Variants in LRP1B observed in about 807,000 individuals in gnomAD.
LRP1B encodes the protein LDL receptor related protein 1B, also known as low-density lipoprotein receptor-related protein 1B.
A neutral mutation model predicts 556.6 loss-of-function variants in LRP1B; 217 were observed. The ratio of observed to expected loss-of-function variants is 0.39; its 90% CI spans 0.35 to 0.44. LRP1B has a LOEUF of 0.44. Ranked by LOEUF, LRP1B falls within the 20% of genes least tolerant of loss-of-function variation. LRP1B has a pLI of 1.00. For synonymous variants in LRP1B, 2,047 were observed against 1,865.8 expected (o/e 1.10, Z -2.50); for missense variants, 5,053 against 5,620.8 (o/e 0.90, Z 3.23).
At chr2:141,887,961 T>C (rs746646792) in intron 1 of LRP1B, among the ~76,000 whole-genome samples, 2 of 152,188 alleles carry the variant, frequency 1.3e-5, no homozygotes, top group African/African-American at 2.4e-5. Flanking sequence ...TGTCAAAAAC[T>C]AAAGATGATT....
At chr2:141,809,331 A>T (rs1696262262) in intron 2 of LRP1B, among the ~76,000 whole-genome samples, 1 of 152,148 alleles carries the variant, frequency 6.6e-6, no homozygotes, top group African/African-American at 2.4e-5. Flanking sequence ...ATGGAAAATG[A>T]AACCAATAAT....
chr2:140,664,433 A>G, intron 41 of LRP1B, among the ~76,000 whole-genome samples: 1 of 152,158 alleles, frequency 6.6e-6, no homozygotes, highest in Non-Finnish European at 1.5e-5. Context: ...CTGTTCAACT[A>G]TTCTTTCCAA....
chr2:141,186,185 G>A (rs1488794816), intron 7 of LRP1B, among the ~76,000 whole-genome samples: 2 of 151,228 alleles, frequency 1.3e-5, no homozygotes, highest in African/African-American at 2.4e-5. Context: ...ATCTATGAAG[G>A]TCAAGCTCTA....
chr2:141,067,386 T>C (rs1264297436), intron 7 of LRP1B, among the ~76,000 whole-genome samples: 3 of 152,174 alleles, frequency 2.0e-5, no homozygotes, highest in East Asian at 1.9e-4. Context: ...CAGTTATTTA[T>C]TGATCTTTAC....
intron 7 of LRP1B, among the ~76,000 whole-genome samples, chr2:141,112,063 TA>T (rs1394273311): frequency 5.7e-5 from 6 of 104,360 alleles, no homozygotes; most frequent in Admixed American, 1.1e-4. Context: ...AATAAATAAA[TA>T]AATAAATAAT....
At chr2:141,359,938 A>T (rs1688762231) in intron 3 of LRP1B, among the ~76,000 whole-genome samples, 1 of 152,226 alleles carries the variant, frequency 6.6e-6, no homozygotes, top group East Asian at 1.9e-4. Flanking sequence ...TAAGGTTTGG[A>T]AGTATAGAAA....
chr2:140,537,120 G>C (rs940657999), intron 45 of LRP1B, among the ~76,000 whole-genome samples: 1 of 149,710 alleles, frequency 6.7e-6, no homozygotes, highest in African/African-American at 2.4e-5. Context: ...GTAGTGAGTG[G>C]AGATCTTGCC....
At chr2:140,579,014 GAGACAA>G (rs1681649830) in intron 43 of LRP1B, among the ~76,000 whole-genome samples, 1 of 152,010 alleles carries the variant, frequency 6.6e-6, no homozygotes, top group Non-Finnish European at 1.5e-5. Flanking sequence ...CTCAGCAAGG[GAGACAA>G]GGGGAACGAG....
chr2:141,997,094 G>C (rs1047003385), intron 1 of LRP1B, among the ~76,000 whole-genome samples: 1 of 152,132 alleles, frequency 6.6e-6, no homozygotes, highest in Admixed American at 6.5e-5. Flanking sequence ...AACTGAGTAT[G>C]AGTGCTTGTT....
chr2:140,972,779 T>C (rs998503211), intron 18 of LRP1B, among the ~76,000 whole-genome samples: 1 of 151,590 alleles, frequency 6.6e-6, no homozygotes, highest in Non-Finnish European at 1.5e-5. Context: ...TGAGAGAAAA[T>C]TTGGAAACTA....
At chr2:141,637,845 T>C (rs547426920) in intron 2 of LRP1B, among the ~76,000 whole-genome samples, 2 of 152,126 alleles carry the variant, frequency 1.3e-5, no homozygotes, top group African/African-American at 4.8e-5. Context: ...GGCAGATCCC[T>C]TATGAATAGC....
intron 2 of LRP1B, among the ~76,000 whole-genome samples, chr2:141,561,042 C>G (rs769157092): frequency 6.6e-6 from 1 of 151,702 alleles, no homozygotes; most frequent in African/African-American, 2.4e-5. Flanking sequence ...ATTAACTAGT[C>G]TACCTTGTGG....
intron 2 of LRP1B, among the ~76,000 whole-genome samples, chr2:141,660,915 C>T (rs1690194376): frequency 1.3e-5 from 2 of 152,218 alleles, no homozygotes; most frequent in East Asian, 1.9e-4. Flanking sequence ...GGAGTGTTCC[C>T]ATCGGCATCA....
chr2:141,690,400 T>TAAAA lies in LRP1B; in HGVS notation c.205+119878_205+119879insTTTT, dbSNP rs367731341. 3.1e-3 allele frequency among the ~76,000 whole-genome samples: 34 copies of TAAAA among 11,142 alleles called. 1 individual carries two copies. Among genetic ancestry groups the TAAAA allele is most frequent in the African/African-American group, 8.6e-3 (34 of 3,948 alleles). The allele number at this position is 11,142 out of a possible 152,430, so 7.3% of individuals were successfully genotyped here. On this transcript the variant is annotated intron_variant, in intron 2 of 90. Coordinates refer to ENST00000389484, the MANE Select transcript of LRP1B (RefSeq NM_018557.3). ...AGAAAAGGGATTACATCTATAAATA[T>TAAAA]ATATATATATATATATATATATATA...
At chr2:141,988,356 C>T (rs1339308572) in intron 1 of LRP1B, among the ~76,000 whole-genome samples, 2 of 151,670 alleles carry the variant, frequency 1.3e-5, no homozygotes, top group Admixed American at 1.3e-4. Flanking sequence ...TAGATTCAAG[C>T]AGTAGTTGGC....
At chr2:140,357,761 C>T (rs775692113) in intron 74 of LRP1B, among the ~76,000 whole-genome samples, 4 of 151,628 alleles carry the variant, frequency 2.6e-5, no homozygotes, top group Non-Finnish European at 5.9e-5. Context: ...TCAGCTTCTG[C>T]TTTAACAAGG....
intron 82 of LRP1B, among the ~76,000 whole-genome samples, chr2:140,317,030 T>A (rs1684555252): frequency 6.6e-6 from 1 of 152,114 alleles, no homozygotes; most frequent in Admixed American, 6.6e-5. Flanking sequence ...CGGAATACCA[T>A]CTAGGCAGAC....
chr2:140,773,458 G>C (rs1689387400), intron 33 of LRP1B, among the ~76,000 whole-genome samples: 3 of 152,020 alleles, frequency 2.0e-5, no homozygotes, highest in Non-Finnish European at 2.9e-5. Context: ...GACAGAGTGA[G>C]ACTCCATCTC....
chr2:141,533,833 T>G (rs541054831), intron 2 of LRP1B, among the ~76,000 whole-genome samples: 1 of 152,178 alleles, frequency 6.6e-6, no homozygotes, highest in African/African-American at 2.4e-5. Context: ...GGCATCCCTA[T>G]CTTCACTTAC....
Sources: allele counts gnomAD v4.1 joint callset (sites outside exome capture counted in the v4.1 genomes callset), GRCh38; gene constraint gnomAD v4.1.1; transcripts MANE v1.5; gene names NCBI Gene and HGNC (gene_info 2026-07-23, HGNC 2026-07-21).